PTPRM: variants seen among roughly 807,000 people sequenced by gnomAD.
PTPRM encodes the protein receptor-type tyrosine-protein phosphatase mu.
PTPRM carries 47 observed loss-of-function variants against 186.7 expected under a neutral mutation model. That is an observed-to-expected ratio of 0.25 (90% CI 0.20 to 0.32). PTPRM has a LOEUF of 0.32. Among genes scored for constraint, PTPRM ranks in the 10% least tolerant of loss-of-function variants. The pLI is 1.00. For synonymous variants in PTPRM, 668 were observed against 674.9 expected (o/e 0.99, Z 0.16); for missense variants, 1,494 against 1,865.0 (o/e 0.80, Z 3.66).
intron 32 of PTPRM, among the ~76,000 whole-genome samples, chr18:8,401,889 G>A (rs1414424867): frequency 1.3e-5 from 2 of 152,232 alleles, no homozygotes; most frequent in African/African-American, 2.4e-5. Context: ...GGACCTTGGT[G>A]AGGAATAGCA....
intron 1 of PTPRM, among the ~76,000 whole-genome samples, chr18:7,729,088 T>C (rs1351448370): frequency 2.6e-5 from 4 of 152,040 alleles, no homozygotes; most frequent in Non-Finnish European, 5.9e-5. Flanking sequence ...TTTTTAAATT[T>C]TTTGTAGAGA....
intron 2 of PTPRM, among the ~76,000 whole-genome samples, chr18:7,830,638 A>C (rs532895095): frequency 6.6e-6 from 1 of 152,236 alleles, no homozygotes; most frequent in South Asian, 2.1e-4. Context: ...ATAATGAGAC[A>C]TATGTCATAG....
chr18:7,583,636 T>G (rs996666427), intron 1 of PTPRM, among the ~76,000 whole-genome samples: 1 of 152,254 alleles, frequency 6.6e-6, no homozygotes, highest in African/African-American at 2.4e-5. Context: ...CTTAGCTTCT[T>G]AGTGACTTGA....
intron 2 of PTPRM, among the ~76,000 whole-genome samples, chr18:7,842,947 T>TATATATAGAGAGAGAGAGAGAGAGAG (rs370746043): frequency 5.4e-5 from 6 of 112,114 alleles, no homozygotes; most frequent in African/African-American, 2.1e-4. Context: ...TATATATATA[T>TATATATAGAGAGAGAGAGAGAGAGAG]AGAGAGAGAG....
chr18:7,630,926 A>C (rs1347334629), intron 1 of PTPRM, among the ~76,000 whole-genome samples: 2 of 152,164 alleles, frequency 1.3e-5, no homozygotes, highest in Non-Finnish European at 2.9e-5. Context: ...GGTAATTTAC[A>C]TGGGGACCCT....
At chr18:8,222,517 T>TG (rs2094165352) in intron 14 of PTPRM, among the ~76,000 whole-genome samples, 1 of 152,288 alleles carries the variant, frequency 6.6e-6, no homozygotes, top group East Asian at 1.9e-4. Context: ...TGACAGAGTA[T>TG]GGGGGCTGGG....
At chr18:7,944,324 G>A (rs558176519) in intron 5 of PTPRM, among the ~76,000 whole-genome samples, 75 of 152,218 alleles carry the variant, frequency 4.9e-4, no homozygotes, top group African/African-American at 1.7e-3. Context: ...TTTAGGTTCC[G>A]TCCCTTTGTT....
chr18:8,152,637 TTCTC>T (rs1375799574), intron 14 of PTPRM, among the ~76,000 whole-genome samples: 2 of 151,954 alleles, frequency 1.3e-5, no homozygotes, highest in East Asian at 3.9e-4. Context: ...CTTTACCTAT[TTCTC>T]TCTTTATTTC....
intron 1 of PTPRM, among the ~76,000 whole-genome samples, chr18:7,687,505 T>C (rs2039630588): frequency 6.6e-6 from 1 of 152,226 alleles, no homozygotes; most frequent in South Asian, 2.1e-4. Flanking sequence ...TGTTAGATGA[T>C]AATTTAAAAA....
intron 1 of PTPRM, among the ~76,000 whole-genome samples, chr18:7,574,875 C>CA (rs1240121070): frequency 6.6e-6 from 1 of 152,018 alleles, no homozygotes; most frequent in African/African-American, 2.4e-5. Context: ...ACTAAAAATA[C>CA]AAAAAAATTA....
At chr18:7,902,834 C>CTTTTTT (rs34332223) in intron 3 of PTPRM, among the ~76,000 whole-genome samples, 1 of 130,098 alleles carries the variant, frequency 7.7e-6, no homozygotes, top group African/African-American at 2.8e-5. Flanking sequence ...TCTTCTCTGC[C>CTTTTTT]TTTTTTTTTT....
intron 7 of PTPRM, among the ~76,000 whole-genome samples, chr18:8,035,490 AG>A (rs1255874126): frequency 1.2e-4 from 18 of 152,160 alleles, no homozygotes. Context: ...AGCCATCTCT[AG>A]ATTGTATATA....
At chr18:8,268,117 A>T (rs1359349211) in intron 19 of PTPRM, among the ~76,000 whole-genome samples, 1 of 152,140 alleles carries the variant, frequency 6.6e-6, no homozygotes, top group Non-Finnish European at 1.5e-5. Flanking sequence ...CGTTAGGAAA[A>T]ACTCTGTATA....
chr18:8,197,281 C>T (rs770299058), intron 14 of PTPRM, among the ~76,000 whole-genome samples: 5 of 152,046 alleles, frequency 3.3e-5, no homozygotes, highest in East Asian at 1.9e-4. Context: ...TGTTTTTTCA[C>T]GGAAGATAGT....
At chr18:8,345,764 C>A (rs538535864) in intron 23 of PTPRM, among the ~76,000 whole-genome samples, 1 of 151,710 alleles carries the variant, frequency 6.6e-6, no homozygotes, top group South Asian at 2.1e-4. Flanking sequence ...GTTAGTATAA[C>A]CTCAATATCA....
At chr18:8,351,289 A>G (rs1186359156) in intron 23 of PTPRM, among the ~76,000 whole-genome samples, 1 of 152,180 alleles carries the variant, frequency 6.6e-6, no homozygotes, top group Non-Finnish European at 1.5e-5. Flanking sequence ...CATTTATAGT[A>G]AGTCAGTCAG....
chr18:8,302,097 G>T (rs572825461), intron 20 of PTPRM, among the ~76,000 whole-genome samples: 4 of 152,300 alleles, frequency 2.6e-5, no homozygotes, highest in Admixed American at 2.0e-4. Context: ...AAGATTTCGT[G>T]GGGGAGAAGG....
chr18:7,641,280 C>T (rs998379098), intron 1 of PTPRM, among the ~76,000 whole-genome samples: 1 of 152,074 alleles, frequency 6.6e-6, no homozygotes, highest in South Asian at 2.1e-4. Context: ...TGTGTATGTA[C>T]GTGTGTCTGT....
intron 14 of PTPRM, among the ~76,000 whole-genome samples, chr18:8,240,777 G>GGAGAGAGAGAGAGAGAGAGAGA (rs747648655): frequency 5.2e-5 from 3 of 57,356 alleles, no homozygotes; most frequent in Admixed American, 1.9e-4. Flanking sequence ...AGAGAGAGAG[G>GGAGAGAGAGAGAGAGAGAGAGA]GAGAGAGAGA....
Sources: gnomAD v4.1 joint callset for allele counts (sites outside exome capture counted in the v4.1 genomes callset) on GRCh38, gnomAD v4.1.1 for gene constraint, MANE v1.5 for transcripts, NCBI Gene and HGNC (gene_info 2026-07-23, HGNC 2026-07-21) for gene names.